NRXN3: variants seen among roughly 807,000 people sequenced by gnomAD.
NRXN3 encodes neurexin III.
A neutral mutation model predicts 137.6 loss-of-function variants in NRXN3; 32 were observed. The observed-to-expected ratio is 0.23, with a 90% CI of 0.18 to 0.31. The LOEUF is 0.31. NRXN3 is among the 10% of genes least tolerant of loss of function. The pLI, the probability that NRXN3 is intolerant of heterozygous loss-of-function variation, is 1.00. For missense variants in NRXN3, 1,574 were observed against 2,062.5 expected, an observed-to-expected ratio of 0.76 and a Z score of 4.59; for synonymous variants, 798 against 784.5, an observed-to-expected ratio of 1.02 and a Z score of -0.29.
intron 15 of NRXN3, among the ~76,000 whole-genome samples, chr14:79,238,963 C>A (rs1479915825): frequency 6.6e-6 from 1 of 151,972 alleles, no homozygotes; most frequent in Non-Finnish European, 1.5e-5. Context: ...CTATTGGATG[C>A]CAAATAACTA....
intron 15 of NRXN3, among the ~76,000 whole-genome samples, chr14:79,355,259 C>G (rs2093379856): frequency 6.6e-6 from 1 of 151,200 alleles, no homozygotes; most frequent in African/African-American, 2.5e-5. Context: ...GTCCCCCACC[C>G]CCTTCCTTCC....
At chr14:79,478,662 C>T (rs1015999329) in intron 16 of NRXN3, among the ~76,000 whole-genome samples, 6 of 152,034 alleles carry the variant, frequency 3.9e-5, no homozygotes, top group Admixed American at 2.0e-4. Context: ...GTGAGCATGC[C>T]GTGTCATCAT....
chr14:79,091,743 T>A (rs1366079959), intron 15 of NRXN3, among the ~76,000 whole-genome samples: 2 of 152,156 alleles, frequency 1.3e-5, no homozygotes, highest in African/African-American at 4.8e-5. Flanking sequence ...ACAGGGCTTC[T>A]GCCCATACTT....
At chr14:78,389,132 T>C (rs2090408177) in intron 4 of NRXN3, among the ~76,000 whole-genome samples, 2 of 151,792 alleles carry the variant, frequency 1.3e-5, no homozygotes, top group South Asian at 4.2e-4. Flanking sequence ...CTCGGCTCAC[T>C]GCAAACTTTG....
intron 4 of NRXN3, among the ~76,000 whole-genome samples, chr14:78,298,518 A>G (rs1256410286): frequency 6.6e-6 from 1 of 152,250 alleles, no homozygotes; most frequent in Non-Finnish European, 1.5e-5. Context: ...CAAATATGCA[A>G]GGAATGAACT....
intron 4 of NRXN3, among the ~76,000 whole-genome samples, chr14:78,369,721 T>C (rs2086525033): frequency 6.6e-6 from 1 of 152,190 alleles, no homozygotes; most frequent in Non-Finnish European, 1.5e-5. Context: ...AGTCAGTTTA[T>C]AAGCCGGTGT....
chr14:79,306,212 T>C (rs1197774974), intron 15 of NRXN3, among the ~76,000 whole-genome samples: 2 of 152,160 alleles, frequency 1.3e-5, no homozygotes, highest in African/African-American at 2.4e-5. Flanking sequence ...ATTTGGCCCA[T>C]AGGTGGGGGA....
In NRXN3 at chr14:79,780,593, A is replaced by T. The variant is rs1226105925; in HGVS notation, c.4015-24519A>T. On this transcript the variant is annotated intron_variant, in intron 19 of 20. Transcript: ENST00000335750. The stretch of plus-strand genomic sequence containing the variant: ...CACTGCACTCCAGCCTGGGCGACAG[A>T]GCGAGACTCTGTCCCTAAATAAATA... 6.6e-5 allele frequency among the ~76,000 whole-genome samples: 10 copies of T among 152,276 alleles called. No individual in the cohort carries two copies. In the South Asian group the frequency reaches 2.1e-3, roughly 32 times the overall value.
chr14:79,099,805 T>C (rs1354272009), intron 15 of NRXN3, among the ~76,000 whole-genome samples: 4 of 152,184 alleles, frequency 2.6e-5, no homozygotes, highest in African/African-American at 9.6e-5. Context: ...ACTGGAAAAT[T>C]ATAAATGTTG....
intron 15 of NRXN3, among the ~76,000 whole-genome samples, chr14:79,437,100 T>C (rs1046236388): frequency 2.6e-5 from 4 of 152,160 alleles, no homozygotes; most frequent in Non-Finnish European, 5.9e-5. Context: ...AGCCTACCTC[T>C]GTGGACCTTA....
At chr14:79,017,260 C>T (rs1241642160) in intron 15 of NRXN3, among the ~76,000 whole-genome samples, 3 of 151,634 alleles carry the variant, frequency 2.0e-5, no homozygotes, top group Non-Finnish European at 2.9e-5. Context: ...CCCCTTTCTA[C>T]AAGAACTTTT....
At chr14:78,962,180 C>A (rs1455005839) in intron 11 of NRXN3, among the ~76,000 whole-genome samples, 1 of 152,144 alleles carries the variant, frequency 6.6e-6, no homozygotes, top group East Asian at 1.9e-4. Flanking sequence ...CACCTGAGTT[C>A]AATGTAGGGG....
intron 4 of NRXN3, among the ~76,000 whole-genome samples, chr14:78,422,446 C>T (rs964235079): frequency 6.6e-6 from 1 of 152,078 alleles, no homozygotes; most frequent in African/African-American, 2.4e-5. Flanking sequence ...CTCTTCAATG[C>T]AAAGGTTTAG....
At chr14:79,400,492 T>C (rs540093834) in intron 15 of NRXN3, among the ~76,000 whole-genome samples, 1 of 152,324 alleles carries the variant, frequency 6.6e-6, no homozygotes, top group Admixed American at 6.5e-5. Flanking sequence ...TCAGAAAGTT[T>C]ACTTACTTAC....
chr14:78,557,661 C>A (rs529826305), intron 4 of NRXN3, among the ~76,000 whole-genome samples: 1 of 152,306 alleles, frequency 6.6e-6, no homozygotes, highest in Admixed American at 6.5e-5. Context: ...TCCTCCAGTG[C>A]CTGGTAAGAA....
intron 1 of NRXN3, among the ~76,000 whole-genome samples, chr14:78,229,504 G>T (rs2065099854): frequency 6.6e-6 from 1 of 152,038 alleles, no homozygotes; most frequent in South Asian, 2.1e-4. Context: ...TCCAGATCTG[G>T]TATTCCTCAT....
At chr14:79,437,294 A>G (rs935179503) in intron 15 of NRXN3, among the ~76,000 whole-genome samples, 4 of 152,136 alleles carry the variant, frequency 2.6e-5, no homozygotes, top group African/African-American at 7.2e-5. Flanking sequence ...CACTTCAAGA[A>G]ATATCTTTGT....
intron 15 of NRXN3, among the ~76,000 whole-genome samples, chr14:79,203,829 A>G (rs1256374812): frequency 2.0e-5 from 3 of 152,204 alleles, no homozygotes; most frequent in Admixed American, 2.0e-4. Flanking sequence ...GTGCTTAATT[A>G]TAATTGTAGA....
At chr14:79,437,804 C>T (rs1163802399) in intron 15 of NRXN3, among the ~76,000 whole-genome samples, 4 of 152,186 alleles carry the variant, frequency 2.6e-5, no homozygotes, top group Admixed American at 6.5e-5. Flanking sequence ...CTGCCACATA[C>T]AATCTCTGTG....
Sources: allele counts gnomAD v4.1 joint callset (sites outside exome capture counted in the v4.1 genomes callset), GRCh38; gene constraint gnomAD v4.1.1; transcripts MANE v1.5; gene names NCBI Gene and HGNC (gene_info 2026-07-23, HGNC 2026-07-21).